PRKN: variants seen among roughly 807,000 people sequenced by gnomAD.
The protein encoded by PRKN is E3 ubiquitin-protein ligase parkin.
A neutral mutation model predicts 59.5 loss-of-function variants in PRKN; 56 were observed. The observed-to-expected ratio is 0.94, with a 90% confidence interval of 0.76 to 1.18. The LOEUF (loss-of-function observed/expected upper bound fraction) is 1.18. PRKN is among the 50% of genes most tolerant of loss of function. The pLI is 0.00. For missense variants in PRKN, 657 were observed against 596.4 expected, an observed-to-expected ratio of 1.10 and a Z score of -1.06; for synonymous variants, 250 against 222.1, an observed-to-expected ratio of 1.13 and a Z score of -1.12.
rs531608502 is a variant in PRKN at position 161,897,785 on chromosome 6, A to AACAC, written c.734+75516_734+75517insGTGT. Among the ~76,000 whole-genome samples, 38 of 148,094 alleles carry AACAC rather than the reference A, an allele frequency of 2.6e-4. 1 individual carries two copies. The East Asian group carries it at 6.8e-3, about 27-fold the overall frequency. On this transcript the variant is annotated intron_variant, in intron 6 of 11. Coordinates refer to ENST00000366898, the MANE Select transcript of PRKN (RefSeq NM_004562.3). ...TCACGAGGTCAGGAGATCGAGACCA[A>AACAC]GGTGAAACCCCGTCTCTACTGAAAA...
chr6:162,590,795 C>T (rs191816766), intron 1 of PRKN, among the ~76,000 whole-genome samples: 5 of 152,226 alleles, frequency 3.3e-5, no homozygotes, highest in East Asian at 1.9e-4. Flanking sequence ...AACAAAACAC[C>T]GCCATGACCC....
chr6:162,203,402 T>A, intron 3 of PRKN, among the ~76,000 whole-genome samples: 1 of 152,098 alleles, frequency 6.6e-6, no homozygotes, highest in East Asian at 1.9e-4. Context: ...GTCAGGCCAG[T>A]CGTGGCTGCA....
At chr6:161,764,824 T>G (rs2128199930) in intron 7 of PRKN, among the ~76,000 whole-genome samples, 1 of 152,326 alleles carries the variant, frequency 6.6e-6, no homozygotes, top group Middle Eastern at 3.4e-3. Context: ...CTCTGTAGTC[T>G]TTTCTAGAAT....
chr6:162,612,362 C>G (rs970941989), intron 1 of PRKN, among the ~76,000 whole-genome samples: 6 of 151,788 alleles, frequency 4.0e-5, no homozygotes, highest in African/African-American at 1.2e-4. Flanking sequence ...GTTGAGGTTC[C>G]TCATCTTGGA....
chr6:161,476,296 A>G (rs1351251533), intron 9 of PRKN, among the ~76,000 whole-genome samples: 1 of 152,164 alleles, frequency 6.6e-6, no homozygotes, highest in Admixed American at 6.5e-5. Context: ...GTGAGAATGT[A>G]TATCAGGAAA....
intron 2 of PRKN, among the ~76,000 whole-genome samples, chr6:162,437,113 A>T (rs1005132353): frequency 2.1e-5 from 3 of 140,044 alleles, no homozygotes; most frequent in South Asian, 4.4e-4. Flanking sequence ...ATAAATAAAT[A>T]AAAAAAGGCT....
At chr6:161,948,252 G>T (rs1779855534) in intron 6 of PRKN, among the ~76,000 whole-genome samples, 1 of 152,184 alleles carries the variant, frequency 6.6e-6, no homozygotes, top group Admixed American at 6.5e-5. Flanking sequence ...CTCCCAAAGT[G>T]CTGGGATTAC....
intron 7 of PRKN, among the ~76,000 whole-genome samples, chr6:161,716,642 C>T (rs1412520168): frequency 2.0e-5 from 3 of 152,156 alleles, no homozygotes; most frequent in Admixed American, 6.5e-5. Flanking sequence ...AGGCTATGTA[C>T]TTAAGATATT....
At chr6:161,996,733 T>C (rs966549117) in intron 5 of PRKN, among the ~76,000 whole-genome samples, 6 of 152,164 alleles carry the variant, frequency 3.9e-5, no homozygotes, top group African/African-American at 1.4e-4. Context: ...AGTTAGTATA[T>C]GTGAAGGGAA....
chr6:162,068,102 C>A (rs1283896895), intron 4 of PRKN, among the ~76,000 whole-genome samples: 1 of 152,096 alleles, frequency 6.6e-6, no homozygotes, highest in Non-Finnish European at 1.5e-5. Flanking sequence ...GAAAACACCA[C>A]CAAGTTAAGA....
At chr6:161,790,589 G>C (rs1790599336) in intron 6 of PRKN, among the ~76,000 whole-genome samples, 2 of 152,158 alleles carry the variant, frequency 1.3e-5, no homozygotes, top group African/African-American at 2.4e-5. Flanking sequence ...ACCCCGGAAA[G>C]CTCCCACACA....
intron 5 of PRKN, among the ~76,000 whole-genome samples, chr6:162,021,312 G>A (rs2851400): frequency 0.67 from 94,500 of 141,748 alleles, 32,080 homozygotes; most frequent in South Asian, 0.75. Flanking sequence ...CTAAAAATCT[G>A]ATGCTTTTTA....
chr6:162,331,516 C>T (rs1783572089), intron 2 of PRKN, among the ~76,000 whole-genome samples: 1 of 152,210 alleles, frequency 6.6e-6, no homozygotes, highest in Non-Finnish European at 1.5e-5. Context: ...AGCTTCCCAT[C>T]TTTCTTCCTA....
intron 9 of PRKN, among the ~76,000 whole-genome samples, chr6:161,425,100 A>G (rs1788272135): frequency 1.3e-5 from 1 of 77,196 alleles, no homozygotes; most frequent in South Asian, 4.0e-4. Context: ...TGAGTTAGGC[A>G]TGACTCTCTT....
chr6:161,656,050 A>G (rs1181249000), intron 7 of PRKN, among the ~76,000 whole-genome samples: 2 of 152,208 alleles, frequency 1.3e-5, no homozygotes, highest in Non-Finnish European at 2.9e-5. Context: ...CTGGGGAGAC[A>G]GCCGAGGTAG....
Position 162,034,186 on chromosome 6 carries a change from T to TATAG in PRKN, c.618+19904_618+19905insCTAT, listed in dbSNP as rs1349695864. Among the ~76,000 whole-genome samples, 753 of 133,268 alleles carry TATAG rather than the reference T, an allele frequency of 5.7e-3. 2 individuals are homozygous for TATAG. Among genetic ancestry groups the TATAG allele is most frequent in the African/African-American group, 0.01 (346 of 34,170 alleles). 87.4% of individuals were successfully genotyped at this position (133,268 alleles called of 152,430 possible). A position where few individuals can be genotyped will look rare whatever the true frequency, so the allele number is the denominator to read the frequency against. On this transcript the variant is annotated intron_variant, in intron 5 of 11. Transcript: ENST00000366898. The stretch of plus-strand genomic sequence containing the variant: ...ACACATACATATATATATATATATA[T>TATAG]AGAGAGAGAGAGAGAGAGAGAGAGA...
intron 2 of PRKN, among the ~76,000 whole-genome samples, chr6:162,339,093 C>A (rs1343047381): frequency 2.1e-5 from 3 of 145,708 alleles, no homozygotes; most frequent in Non-Finnish European, 4.5e-5. Flanking sequence ...CCCCTCCGAC[C>A]GGCAGCCGCC....
In PRKN at chr6:161,455,636, C is replaced by T. The variant is rs1033504981; in HGVS notation, c.1084-68759G>A. The stretch of plus-strand genomic sequence containing the variant: ...ATCCCAGCACTTTGGGAGGCTGACG[C>T]GGGCAGATCACAAGGTCAGGAGACC... On this transcript the variant is annotated intron_variant, in intron 9 of 11. Coordinates refer to ENST00000366898, the MANE Select transcript of PRKN (RefSeq NM_004562.3). Among the ~76,000 whole-genome samples, 8 of 151,954 alleles carry T rather than the reference C, an allele frequency of 5.3e-5. No homozygotes were observed. In the East Asian group the frequency reaches 5.8e-4, roughly 11 times the overall value.
intron 4 of PRKN, among the ~76,000 whole-genome samples, chr6:162,103,292 C>G (rs1461742347): frequency 2.0e-5 from 3 of 152,022 alleles, no homozygotes; most frequent in Admixed American, 2.0e-4. Flanking sequence ...AATTCCATTT[C>G]ACTTGTAAGT....
Sources: gnomAD v4.1 joint callset for allele counts (sites outside exome capture counted in the v4.1 genomes callset) on GRCh38, gnomAD v4.1.1 for gene constraint, MANE v1.5 for transcripts, NCBI Gene and HGNC (gene_info 2026-07-23, HGNC 2026-07-21) for gene names.